The following MTHFD1L variants were observed in gnomAD, a reference collection of about 807,000 sequenced individuals.
MTHFD1L encodes the protein methylenetetrahydrofolate dehydrogenase (NADP+ dependent) 1 like.
Under a neutral mutation model 119.5 loss-of-function variants are expected in MTHFD1L, and 81 were observed. The ratio of observed to expected loss-of-function variants is 0.68; its 90% CI spans 0.57 to 0.82. The LOEUF (loss-of-function observed/expected upper bound fraction) is 0.82. MTHFD1L is among the 40% of genes least tolerant of loss of function. The pLI is 0.00. For synonymous variants in MTHFD1L, 430 were observed against 475.2 expected, an observed-to-expected ratio of 0.90 and a Z score of 1.24; for missense variants, 1,125 against 1,253.4, an observed-to-expected ratio of 0.90 and a Z score of 1.55.
intron 4 of MTHFD1L, among the ~76,000 whole-genome samples, chr6:150,880,920 AT>A (rs1781298021): frequency 6.6e-6 from 1 of 152,068 alleles, no homozygotes; most frequent in Non-Finnish European, 1.5e-5. Flanking sequence ...TCTTTTGCAC[AT>A]TTTTTATTTG....
chr6:151,087,475 TC>T (rs1345535464), intron 26 of MTHFD1L, among the ~76,000 whole-genome samples: 3 of 152,178 alleles, frequency 2.0e-5, no homozygotes, highest in Non-Finnish European at 4.4e-5. Flanking sequence ...CTGCTCCTTT[TC>T]TGAACCAAAA....
chr6:150,871,098 A>AAT (rs563676579), intron 1 of MTHFD1L, among the ~76,000 whole-genome samples: 5 of 144,406 alleles, frequency 3.5e-5, no homozygotes, highest in South Asian at 2.1e-4. Context: ...TACACACCTT[A>AAT]ATATATATAT....
intron 27 of MTHFD1L, among the ~76,000 whole-genome samples, chr6:151,098,781 G>A (rs1020665507): frequency 2.0e-5 from 3 of 152,138 alleles, no homozygotes; most frequent in Non-Finnish European, 4.4e-5. Context: ...ATAAACAACA[G>A]ATTCGTTTTT....
chr6:151,059,344 T>C (rs542038078), intron 26 of MTHFD1L, among the ~76,000 whole-genome samples: 1 of 151,974 alleles, frequency 6.6e-6, no homozygotes, highest in Non-Finnish European at 1.5e-5. Flanking sequence ...CACGCACAGC[T>C]AATTTTTGTA....
At chr6:151,099,848 G>A (rs981409838) in intron 27 of MTHFD1L, 52 of 1,594,478 alleles carry the variant, frequency 3.3e-5, no homozygotes, top group South Asian at 2.4e-4. Flanking sequence ...TCCAAGAACC[G>A]CAAAGCCATC....
rs555067269 is a variant in MTHFD1L, at chr6:150,910,190, A to T, written c.892+4429A>T. On this transcript the variant is annotated intron_variant, in intron 8 of 27. Coordinates refer to ENST00000367321, the MANE Select transcript of MTHFD1L (RefSeq NM_015440.5). ...GAGCAAAGCTCCATCTCAAAAAATT[A>T]AAAAAAAAATGTAGTGGAAAGAACA... 8.6e-4 allele frequency among the ~76,000 whole-genome samples: 126 copies of T among 145,982 alleles called. 1 individual carries two copies. The highest frequency in any genetic ancestry group is 2.3e-3 in the African/African-American group (92 of 40,180).
intron 16 of MTHFD1L, among the ~76,000 whole-genome samples, chr6:150,954,801 G>A (rs187786130): frequency 8.6e-4 from 130 of 151,936 alleles, no homozygotes; most frequent in Admixed American, 1.4e-3. Flanking sequence ...ATTCTTTGTA[G>A]AGACAAGGTC....
intron 13 of MTHFD1L, among the ~76,000 whole-genome samples, chr6:150,940,831 C>T (rs770997219): frequency 9.2e-5 from 14 of 152,134 alleles, no homozygotes; most frequent in South Asian, 2.1e-4. Flanking sequence ...CCACCCACCT[C>T]GGTCTTCAAA....
rs895364993 is a variant in MTHFD1L, at chr6:151,017,830, C to CTTTTTTTT, written c.2586+2152_2586+2159dup. On this transcript the variant is annotated intron_variant, in intron 24 of 27. Coordinates refer to ENST00000367321, the MANE Select transcript of MTHFD1L (RefSeq NM_015440.5). ...AAGTATCCCTTCAAGACCGTGTTTT[C>CTTTTTTTT]TTTTTTTTTTTTTTTTTTTTTTGAG... is the stretch of plus-strand genomic sequence containing the variant. Among the ~76,000 whole-genome samples the CTTTTTTTT allele has an allele frequency of 2.2e-3, 219 of 98,960 alleles. 8 individuals are homozygous for CTTTTTTTT. The highest frequency in any genetic ancestry group is 7.9e-3 in the African/African-American group (192 of 24,378). The allele number at this position is 98,960 out of a possible 152,430, so 64.9% of individuals were successfully genotyped here.
intron 26 of MTHFD1L, among the ~76,000 whole-genome samples, chr6:151,073,254 A>G (rs1380680067): frequency 6.6e-6 from 1 of 152,198 alleles, no homozygotes; most frequent in Admixed American, 6.5e-5. Flanking sequence ...GCAAGTGCGT[A>G]CTGATCAAAG....
chr6:150,987,092 G>A (rs972947941), intron 20 of MTHFD1L, among the ~76,000 whole-genome samples: 3 of 152,258 alleles, frequency 2.0e-5, no homozygotes, highest in Admixed American at 1.3e-4. Flanking sequence ...TTATTTTCTC[G>A]CTACTGAAAT....
rs113864620 is a variant in MTHFD1L, at chr6:150,913,154, C to T, written c.893-5423C>T. 1.9e-3 allele frequency among the ~76,000 whole-genome samples: 286 copies of T among 151,936 alleles called. 2 individuals are homozygous for T. Among genetic ancestry groups the T allele is most frequent in the African/African-American group, 6.0e-3 (249 of 41,446 alleles). On this transcript the variant is annotated intron_variant, in intron 8 of 27. Coordinates refer to ENST00000367321, the MANE Select transcript of MTHFD1L (RefSeq NM_015440.5). The stretch of plus-strand genomic sequence containing the variant: ...TAGCTGGGACTACAGACATATGCCA[C>T]CATGCCCAACTAATTTTTTTTTTTG...
chr6:151,063,237 T>C (rs985454319), intron 26 of MTHFD1L, among the ~76,000 whole-genome samples: 1 of 152,188 alleles, frequency 6.6e-6, no homozygotes, highest in Non-Finnish European at 1.5e-5. Flanking sequence ...TATTGCAATA[T>C]TCTAAGTTGT....
chr6:151,078,221 G>A (rs985181687), intron 26 of MTHFD1L, among the ~76,000 whole-genome samples: 18 of 151,820 alleles, frequency 1.2e-4, no homozygotes, highest in Non-Finnish European at 2.9e-5. Context: ...GCAAGCAGAG[G>A]AAGGAGGATT....
chr6:150,882,799 G>C lies in MTHFD1L; in HGVS notation c.455G>C (p.Arg152Thr), dbSNP rs200199559. 1 of 1,560,724 alleles carries C rather than the reference G, an allele frequency of 6.4e-7. No individual in the cohort carries two copies. The highest frequency in any genetic ancestry group is 2.4e-5 in the East Asian group (1 of 41,960). ...ATCTTAAAGATCAATGAAGATACCA[G>C]AGTACATGGCCTTGCCCTTCAGATC... ...DEILKINEDT[R>T]VHGLALQISE... is the part of the protein sequence containing the mutation. Residue 152 changes from arginine (R) to threonine (T), a missense_variant, in exon 5 of 28, where the codon AGA becomes ACA. Around this residue, in one of 3 missense-constraint regions of MTHFD1L, gnomAD observed 1,058 missense variants for 1,151.2 expected, o/e 0.92. Transcript: ENST00000367321.
intron 11 of MTHFD1L, chr6:150,935,007 A>G: frequency 6.2e-7 from 1 of 1,607,270 alleles, no homozygotes; most frequent in Non-Finnish European, 8.5e-7. Context: ...TATCCTGTCC[A>G]ACCTGCCTTC....
chr6:150,983,403 A>G (rs1777821557), intron 20 of MTHFD1L, among the ~76,000 whole-genome samples: 1 of 152,078 alleles, frequency 6.6e-6, no homozygotes, highest in Non-Finnish European at 1.5e-5. Context: ...TAACTCTTAC[A>G]GTTTGTGAGA....
At chr6:151,007,785 A>G (rs1781612921) in intron 20 of MTHFD1L, among the ~76,000 whole-genome samples, 2 of 152,226 alleles carry the variant, frequency 1.3e-5, no homozygotes, top group South Asian at 4.1e-4. Context: ...CACTGAGGTA[A>G]GGATTGTTAC....
chr6:150,953,383 C>G (rs1795126436), intron 16 of MTHFD1L, among the ~76,000 whole-genome samples: 1 of 152,206 alleles, frequency 6.6e-6, no homozygotes, highest in Admixed American at 6.5e-5. Flanking sequence ...CCTCCACCCC[C>G]ACACCCACTG....
Sources: gnomAD v4.1 joint callset for allele counts (sites outside exome capture counted in the v4.1 genomes callset) on GRCh38, gnomAD v4.1.1 for gene constraint, gnomAD v4.1.1 regional missense constraint, MANE v1.5 for transcripts, NCBI Gene and HGNC (gene_info 2026-07-23, HGNC 2026-07-21) for gene names.